The following PCDH15 variants were observed in gnomAD, a reference collection of about 807,000 sequenced individuals.
The protein encoded by PCDH15 is protocadherin related 15, also known as protocadherin-15.
In PCDH15, 129 loss-of-function variants were observed where a neutral mutation model predicts 178.5. The ratio of observed to expected loss-of-function variants is 0.72; its 90% CI spans 0.63 to 0.84. The LOEUF is 0.84. Among genes scored for constraint, PCDH15 ranks in the 40% least tolerant of loss-of-function variants. The probability of loss-of-function intolerance (pLI) is 0.00; values close to 1 mark genes in which losing one functional copy is unlikely to be tolerated. For synonymous variants in PCDH15, 800 were observed against 732.0 expected, an observed-to-expected ratio of 1.09 and a Z score of -1.50; for missense variants, 2,230 against 2,099.9, an observed-to-expected ratio of 1.06 and a Z score of -1.21.
At chr10:55,079,257 T>G (rs1257520691) in intron 2 of PCDH15, among the ~76,000 whole-genome samples, 1 of 152,190 alleles carries the variant, frequency 6.6e-6, no homozygotes, top group African/African-American at 2.4e-5. Context: ...TTGCTTTCTT[T>G]GGGGGATGTT....
chr10:55,179,222 T>C (rs962289595), intron 1 of PCDH15, among the ~76,000 whole-genome samples: 2 of 152,026 alleles, frequency 1.3e-5, no homozygotes, highest in African/African-American at 4.8e-5. Context: ...CCCAAAACAA[T>C]TCCCCCCGTC....
intron 1 of PCDH15, among the ~76,000 whole-genome samples, chr10:55,310,686 C>T (rs1311199144): frequency 2.6e-5 from 4 of 152,266 alleles, no homozygotes; most frequent in African/African-American, 9.6e-5. Context: ...GAATTCTATG[C>T]AGCTGTAAAA....
intron 14 of PCDH15, among the ~76,000 whole-genome samples, chr10:54,149,134 A>G (rs1009684301): frequency 6.6e-6 from 1 of 151,958 alleles, no homozygotes; most frequent in Non-Finnish European, 1.5e-5. Context: ...GGTCAACCTC[A>G]TCCTCTTATT....
At chr10:54,854,571 G>A (rs985453109) in intron 3 of PCDH15, among the ~76,000 whole-genome samples, 1 of 152,140 alleles carries the variant, frequency 6.6e-6, no homozygotes, top group Admixed American at 6.5e-5. Context: ...CAGCTCCTAG[G>A]AGAGTGGAGA....
intron 8 of PCDH15, among the ~76,000 whole-genome samples, chr10:54,315,403 A>AC: frequency 6.6e-6 from 1 of 152,142 alleles, no homozygotes; most frequent in South Asian, 2.1e-4. Context: ...TTGTAATTTT[A>AC]AATTCCTCAT....
intron 14 of PCDH15, among the ~76,000 whole-genome samples, chr10:54,136,709 G>A (rs1457960495): frequency 6.6e-6 from 1 of 152,088 alleles, no homozygotes; most frequent in Admixed American, 6.6e-5. Flanking sequence ...TCACAGAGTC[G>A]AAAACTTTAA....
chr10:54,465,672 CTG>C (rs1211997909), intron 3 of PCDH15, among the ~76,000 whole-genome samples: 1 of 151,902 alleles, frequency 6.6e-6, no homozygotes, highest in Non-Finnish European at 1.5e-5. Context: ...TTCCATATCT[CTG>C]TTATTGTGAA....
intron 1 of PCDH15, among the ~76,000 whole-genome samples, chr10:54,767,463 T>C (rs975647201): frequency 6.6e-6 from 1 of 151,964 alleles, no homozygotes; most frequent in African/African-American, 2.4e-5. Context: ...CAGTCCACAC[T>C]AAAGGAGGGA....
intron 8 of PCDH15, among the ~76,000 whole-genome samples, chr10:54,279,390 G>C (rs759404514): frequency 4.0e-5 from 6 of 151,446 alleles, no homozygotes; most frequent in Non-Finnish European, 7.4e-5. Flanking sequence ...TCTCCCAATA[G>C]TGCACAAATA....
intron 8 of PCDH15, among the ~76,000 whole-genome samples, chr10:54,242,163 T>C (rs1380532513): frequency 4.8e-5 from 5 of 104,564 alleles, no homozygotes; most frequent in African/African-American, 1.2e-4. Context: ...TATATATATA[T>C]ATATATATAT....
At chr10:53,975,480 G>T (rs879416746) in intron 21 of PCDH15, among the ~76,000 whole-genome samples, 14 of 152,004 alleles carry the variant, frequency 9.2e-5, no homozygotes, top group Non-Finnish European at 2.9e-5. Context: ...TACTCTGACT[G>T]GTGTGCGGTG....
chr10:54,455,597 A>G (rs993938180), intron 3 of PCDH15, among the ~76,000 whole-genome samples: 4 of 152,148 alleles, frequency 2.6e-5, no homozygotes, highest in Admixed American at 1.3e-4. Flanking sequence ...TCTAAGTGCT[A>G]AAGCAATCAA....
intron 2 of PCDH15, among the ~76,000 whole-genome samples, chr10:55,436,223 G>A (rs903707344): frequency 6.6e-6 from 1 of 151,978 alleles, no homozygotes; most frequent in Non-Finnish European, 1.5e-5. Flanking sequence ...TTATTTAGAA[G>A]GCCCTGGATT....
chr10:55,610,598 TTAAA>T (rs1298161604), intron 2 of PCDH15, among the ~76,000 whole-genome samples: 1 of 152,098 alleles, frequency 6.6e-6, no homozygotes, highest in Non-Finnish European at 1.5e-5. Flanking sequence ...TTAAAGCTAT[TTAAA>T]TAAAGGGCTA....
rs138598925 is a variant in PCDH15, at chr10:54,460,105, T to C, written c.157+67707A>G. On this transcript the variant is annotated intron_variant, in intron 3 of 37. Transcript: ENST00000644397. The stretch of plus-strand genomic sequence containing the variant: ...TCTAATTTCACTATTGAAACAGAGA[T>C]CAGTTGAACTAAAACAGAAGAATAA... Among the ~76,000 whole-genome samples, 162 of 152,178 alleles carry C rather than the reference T, an allele frequency of 1.1e-3. 1 individual carries two copies. The East Asian group carries it at 0.026, about 24-fold the overall frequency.
chr10:53,897,336 TA>T (rs1344061096), intron 26 of PCDH15, among the ~76,000 whole-genome samples: 1 of 152,230 alleles, frequency 6.6e-6, no homozygotes, highest in African/African-American at 2.4e-5. Flanking sequence ...TTGACTAATA[TA>T]AATCTTTACT....
In PCDH15 at chr10:54,564,172, T is replaced by C. The variant is rs77857877; in HGVS notation, c.92-36295A>G. Among the ~76,000 whole-genome samples, 117 of 152,234 alleles carry C rather than the reference T, an allele frequency of 7.7e-4. 1 individual carries two copies. The East Asian group carries it at 0.022, about 29-fold the overall frequency. ...AATCCACCAAAATTATCATCAAAAT[T>C]TTAAAGCTTGATAAATTATTTTGTC... On this transcript the variant is annotated intron_variant, in intron 2 of 37. Transcript: ENST00000644397.
chr10:53,922,533 T>C (rs1012665745), intron 25 of PCDH15, among the ~76,000 whole-genome samples: 3 of 152,190 alleles, frequency 2.0e-5, no homozygotes, highest in African/African-American at 7.2e-5. Flanking sequence ...ATTTCATATA[T>C]ACAATTTTTA....
intron 3 of PCDH15, among the ~76,000 whole-genome samples, chr10:54,813,910 C>G (rs1188270795): frequency 6.6e-6 from 1 of 152,200 alleles, no homozygotes; most frequent in Non-Finnish European, 1.5e-5. Flanking sequence ...ATTCCACTCT[C>G]CTCTTGTCTA....
Sources: gnomAD v4.1 joint callset for allele counts (sites outside exome capture counted in the v4.1 genomes callset) on GRCh38, gnomAD v4.1.1 for gene constraint, MANE v1.5 for transcripts, NCBI Gene and HGNC (gene_info 2026-07-23, HGNC 2026-07-21) for gene names.